RABEP1: variants seen among roughly 807,000 people sequenced by gnomAD.
The protein encoded by RABEP1 is rabaptin, RAB GTPase binding effector protein 1.
A neutral mutation model predicts 123.4 loss-of-function variants in RABEP1; 51 were observed. The ratio of observed to expected loss-of-function variants is 0.41; its 90% CI spans 0.33 to 0.52. The LOEUF is 0.52. Among genes scored for constraint, RABEP1 ranks in the 20% least tolerant of loss-of-function variants. The pLI is 0.16. For synonymous variants in RABEP1, 347 were observed against 355.2 expected, an observed-to-expected ratio of 0.98 and a Z score of 0.26; for missense variants, 888 against 996.3, an observed-to-expected ratio of 0.89 and a Z score of 1.46.
rs200338444 is a variant in RABEP1 at position 5,350,542 on chromosome 17, T to C, written c.876T>C (p.Arg292=). 46 of 1,614,078 alleles carry C rather than the reference T, an allele frequency of 2.8e-5. No homozygotes were observed. In the East Asian group the frequency reaches 1.0e-3, roughly 36 times the overall value. Residue 292 remains arginine, a synonymous_variant, in exon 7 of 18, where the codon CGT becomes CGC. Coordinates refer to ENST00000537505, the MANE Select transcript of RABEP1 (RefSeq NM_004703.6). ...KANDQFLESQ[R]LLMRDMQRME... is the part of the protein sequence containing the mutation. ...ATGACCAGTTTCTGGAATCTCAGCGTTTACTGATGAGAGACATGCAGCGAA... is the reference window on the plus strand; with the variant it reads ...ATGACCAGTTTCTGGAATCTCAGCGCTTACTGATGAGAGACATGCAGCGAA...
intron 5 of RABEP1, among the ~76,000 whole-genome samples, chr17:5,338,401 A>G (rs1055450560): frequency 1.3e-5 from 2 of 152,148 alleles, no homozygotes; most frequent in African/African-American, 4.8e-5. Flanking sequence ...ATCTCTACTA[A>G]AAATACAAAT....
At chr17:5,286,458 C>A (rs2144429217) in intron 1 of RABEP1, among the ~76,000 whole-genome samples, 1 of 152,158 alleles carries the variant, frequency 6.6e-6, no homozygotes, top group African/African-American at 2.4e-5. Context: ...CGTGCCACTG[C>A]ACTCCAGCCT....
At position 5,368,363 on chromosome 17, in the gene RABEP1, T is replaced by C; in HGVS notation, c.1786-7T>C. On this transcript the variant is annotated splice_region_variant and splice_polypyrimidine_tract_variant and intron_variant, in intron 11 of 17. Transcript: ENST00000537505. ...AACTATGTTTCTATACATGTGTTTT[T>C]TTAAAGATCTCTGCACTCGTCCTAA... 1.8e-5 allele frequency: 28 copies of C among 1,596,028 alleles called. No homozygotes were observed. The highest frequency in any genetic ancestry group is 2.3e-5 in the Non-Finnish European group (27 of 1,168,038).
At chr17:5,323,298 A>C (rs1905568952) in intron 2 of RABEP1, among the ~76,000 whole-genome samples, 1 of 152,214 alleles carries the variant, frequency 6.6e-6, no homozygotes, top group Non-Finnish European at 1.5e-5. Flanking sequence ...TGAGATCTGG[A>C]ACAAGGACGC....
intron 11 of RABEP1, among the ~76,000 whole-genome samples, chr17:5,367,972 G>A (rs140695664): frequency 0.015 from 2,247 of 150,504 alleles, 67 homozygotes; most frequent in African/African-American, 0.05. Context: ...GGCCAGGCTG[G>A]TCTCGAACTC....
At chr17:5,380,566 TTTAAAAAGTTGGC>T (rs1447428553) in intron 16 of RABEP1, 104 bp downstream of exon 16, 1 of 1,027,396 alleles carries the variant, frequency 9.7e-7, no homozygotes, top group African/African-American at 1.6e-5. Flanking sequence ...AGTGTCACCT[TTTAAAAAGTTGGC>T]AAAACTGACA....
At chr17:5,351,437 C>G (rs1209474058) in intron 7 of RABEP1, among the ~76,000 whole-genome samples, 1 of 152,136 alleles carries the variant, frequency 6.6e-6, no homozygotes, top group Non-Finnish European at 1.5e-5. Flanking sequence ...TAAACCAGTT[C>G]TGTGTGTTTA....
rs1908835115 is a variant in RABEP1, at chr17:5,354,411, A to C, written c.1016A>C (p.Asp339Ala). The C allele has an allele frequency of 6.2e-7, 1 of 1,613,260 alleles. No homozygotes were observed. Among genetic ancestry groups the C allele is most frequent in the Non-Finnish European group, 8.5e-7 (1 of 1,179,554 alleles). The stretch of plus-strand genomic sequence containing the variant: ...AAGAGAAAGGATCACAAAAAAGCAG[A>C]TGTTGAGGAAGAAATAAAAATACCA... ...LNKRKDHKKA[D>A]VEEEIKIPVV... The change falls in exon 8 of 18, where the codon GAT becomes GCT. Residue 339 changes from aspartate to alanine, a missense_variant. Transcript: ENST00000537505.
At position 5,354,378 on chromosome 17, in the gene RABEP1, G is replaced by T; in HGVS notation, c.983G>T (p.Arg328Ile). 1.9e-6 allele frequency: 3 copies of T among 1,611,804 alleles called. No homozygotes were observed. Among genetic ancestry groups the T allele is most frequent in the South Asian group, 1.1e-5 (1 of 90,612 alleles). ...TTTTAGGAGGATGATGAACAACAAA[G>T]ACTCAATAAGAGAAAGGATCACAAA... ...KKDQEDDEQQ[R>I]LNKRKDHKKA... The change falls in exon 8 of 18, where the codon AGA becomes ATA. Residue 328 changes from arginine to isoleucine, a missense_variant. Coordinates refer to ENST00000537505, the MANE Select transcript of RABEP1 (RefSeq NM_004703.6).
intron 3 of RABEP1, among the ~76,000 whole-genome samples, chr17:5,334,193 C>T (rs1278187837): frequency 6.6e-6 from 1 of 151,688 alleles, no homozygotes; most frequent in Non-Finnish European, 1.5e-5. Context: ...CGACATCACA[C>T]CCAAATAATC....
intron 14 of RABEP1, 137 bp from the exon 15 acceptor site, chr17:5,378,040 T>C: frequency 1.6e-6 from 1 of 631,030 alleles, no homozygotes; most frequent in South Asian, 2.1e-5. Context: ...TGCTTGGTGG[T>C]AATTTTGAGA....
At chr17:5,323,870 A>C (rs890422792) in intron 2 of RABEP1, among the ~76,000 whole-genome samples, 2 of 142,166 alleles carry the variant, frequency 1.4e-5, no homozygotes, top group Non-Finnish European at 3.0e-5. Context: ...ATATATATAT[A>C]TATCTAGGAA....
intron 1 of RABEP1, among the ~76,000 whole-genome samples, chr17:5,287,677 T>C (rs970488637): frequency 1.3e-5 from 2 of 149,726 alleles, no homozygotes; most frequent in East Asian, 3.9e-4. Context: ...CTCAACACTT[T>C]GGGAGGCCTA....
rs976391586 is a variant in RABEP1, at chr17:5,383,588, C to T, written c.*365C>T. 2.5e-5 allele frequency: 7 copies of T among 280,838 alleles called. No individual in the cohort carries two copies. Among genetic ancestry groups the T allele is most frequent in the Non-Finnish European group, 4.8e-5 (7 of 146,960 alleles). The allele number at this position is 280,838 out of a possible 1,614,324, so 17.4% of individuals were successfully genotyped here. A position where few individuals can be genotyped will look rare whatever the true frequency, so the allele number is the denominator to read the frequency against. On this transcript the variant is annotated 3_prime_UTR_variant, in exon 18 of 18. Transcript: ENST00000537505. ...CCAGTAGTGTTTGGAATTTTCTGTT[C>T]ATAGATATTGGAAGAGAGAATTTGC... is the stretch of plus-strand genomic sequence containing the variant.
intron 5 of RABEP1, among the ~76,000 whole-genome samples, chr17:5,343,231 G>A (rs1907770748): frequency 6.6e-6 from 1 of 152,086 alleles, no homozygotes; most frequent in Non-Finnish European, 1.5e-5. Context: ...CAGCCTAGGC[G>A]ACGAGTGAAA....
chr17:5,331,831 A>C lies in RABEP1; in HGVS notation c.164-118A>C. On this transcript the variant is annotated intron_variant, in intron 2 of 17. Transcript: ENST00000537505. Reference sequence around the variant, plus strand: ...CCAGCTTACCTTAAATCTCACCTCTATTAAAAGGGTGTCATTTTGTATGTT... The same window carrying C: ...CCAGCTTACCTTAAATCTCACCTCTCTTAAAAGGGTGTCATTTTGTATGTT... 4 of 855,950 alleles carry C rather than the reference A, an allele frequency of 4.7e-6. No individual in the cohort carries two copies. In the East Asian group the frequency reaches 1.1e-4, roughly 23 times the overall value. 53.0% of individuals were successfully genotyped at this position (855,950 alleles called of 1,614,324 possible).
At chr17:5,310,560 C>T (rs1217198099) in intron 2 of RABEP1, among the ~76,000 whole-genome samples, 3 of 151,526 alleles carry the variant, frequency 2.0e-5, no homozygotes, top group South Asian at 2.1e-4. Context: ...CCTTGTGATC[C>T]GCCCGCTTCG....
intron 8 of RABEP1, among the ~76,000 whole-genome samples, chr17:5,356,350 T>C (rs9910939): frequency 0.022 from 3,277 of 152,232 alleles, 118 homozygotes; most frequent in African/African-American, 0.075. Context: ...TGAGATCCTG[T>C]CTCACACACA....
At chr17:5,284,377 C>T (rs1043297206) in intron 1 of RABEP1, among the ~76,000 whole-genome samples, 2 of 152,128 alleles carry the variant, frequency 1.3e-5, no homozygotes, top group East Asian at 3.9e-4. Context: ...TGTAGGTAGC[C>T]ATGGCTACTT....
Sources: allele counts gnomAD v4.1 joint callset (sites outside exome capture counted in the v4.1 genomes callset), GRCh38; gene constraint gnomAD v4.1.1; transcripts MANE v1.5; gene names NCBI Gene and HGNC (gene_info 2026-07-23, HGNC 2026-07-21).